Variants in PRSS36 observed in about 807,000 individuals in gnomAD.
The protein encoded by PRSS36 is polyserase-2.
In PRSS36, 90 loss-of-function variants were observed where a neutral mutation model predicts 94.3. The observed-to-expected ratio is 0.95, with a 90% confidence interval of 0.80 to 1.14. The LOEUF (loss-of-function observed/expected upper bound fraction) is 1.14. Among genes scored for constraint, PRSS36 ranks in the 50% most tolerant of loss-of-function variants. The pLI, the probability that PRSS36 is intolerant of heterozygous loss-of-function variation, is 0.00. For synonymous variants in PRSS36, 500 were observed against 489.6 expected, an observed-to-expected ratio of 1.02 and a Z score of -0.28; for missense variants, 1,158 against 1,135.0, an observed-to-expected ratio of 1.02 and a Z score of -0.29.
At position 31,148,531 on chromosome 16, in the gene PRSS36, G is replaced by A. The variant is rs760561604; in HGVS notation, c.417C>T (p.Asp139=). ...GTGAGGCCAGGCGCAGCAGGGCCAG[G>A]TCGGCGCCCAGCTCCACTTGGCTGT... The part of the protein sequence containing the change: ...ANYSQVELGA[D]LALLRLASPA... The change falls in exon 5 of 15, where the codon GAC becomes GAT. Residue 139 remains aspartate, a synonymous_variant. Transcript: ENST00000268281. 2.1e-5 allele frequency: 33 copies of A among 1,597,712 alleles called. No individual in the cohort carries two copies. The highest frequency in any genetic ancestry group is 2.8e-5 in the Non-Finnish European group (33 of 1,175,322).
chr16:31,145,194 C>T (rs1160662578), intron 6 of PRSS36, among the ~76,000 whole-genome samples: 1 of 151,486 alleles, frequency 6.6e-6, no homozygotes, highest in African/African-American at 2.4e-5. Context: ...CTGGTGAAAT[C>T]CCGTGTCTAC....
In PRSS36 at chr16:31,149,055, ACCAGGG is replaced by A. The variant is rs1567455547; in HGVS notation, c.272+12_272+17del. The A allele has an allele frequency of 6.3e-7, 1 of 1,575,446 alleles. No homozygotes were observed. The highest frequency in any genetic ancestry group is 8.6e-7 in the Non-Finnish European group (1 of 1,160,832). On this transcript the variant is annotated intron_variant, in intron 4 of 14. Coordinates refer to ENST00000268281, the MANE Select transcript of PRSS36 (RefSeq NM_173502.5). Reference sequence around the variant, plus strand: ...CAGCTTTTGGCGGAGAGGGGCCAGGACCAGGGCGAATACTCACGTCATGAAACAGTG... The same window carrying A: ...CAGCTTTTGGCGGAGAGGGGCCAGGACGAATACTCACGTCATGAAACAGTG...
rs1402852600 is a variant in PRSS36, at chr16:31,149,146, C to T, written c.199G>A (p.Gly67Arg). Reference sequence around the variant, plus strand: ...GAGCCCCCGCAGATGTGGCCACCTCCATGGTGCAGGCTCACTTGCCAAGGC... The same window carrying T: ...GAGCCCCCGCAGATGTGGCCACCTCTATGGTGCAGGCTCACTTGCCAAGGC... Reference protein sequence around the residue: ...TWPWQVSLHHGGGHICGGSLI... With the variant: ...TWPWQVSLHHRGGHICGGSLI... The change falls in exon 4 of 15, where the codon GGA becomes AGA. Residue 67 changes from glycine to arginine, a missense_variant. Coordinates refer to ENST00000268281, the MANE Select transcript of PRSS36 (RefSeq NM_173502.5). 2.5e-6 allele frequency: 4 copies of T among 1,579,656 alleles called. No individual in the cohort carries two copies. Among genetic ancestry groups the T allele is most frequent in the Non-Finnish European group, 3.4e-6 (4 of 1,163,918 alleles).
Position 31,141,859 on chromosome 16 carries a change from G to T in PRSS36, c.1623C>A (p.Phe541Leu), listed in dbSNP as rs754263964. ...PSGCLRPRAF[F>L]PLQTHGPWIS... ...TCCATGGGCCATGAGTCTGCAGAGG[G>T]AAGAAGGCTCGGGGACGTAGACAGC... Residue 541 changes from phenylalanine to leucine, a missense_variant, in exon 11 of 15, where the codon TTC (phenylalanine) becomes TTA (leucine). Phe to Leu is a conservative substitution (Grantham distance 22). Coordinates refer to ENST00000268281, the MANE Select transcript of PRSS36 (RefSeq NM_173502.5). The T allele has an allele frequency of 1.7e-5, 28 of 1,614,074 alleles. No individual in the cohort carries two copies. Among genetic ancestry groups the T allele is most frequent in the Non-Finnish European group, 2.4e-5 (28 of 1,180,028 alleles).
intron 14 of PRSS36, among the ~76,000 whole-genome samples, chr16:31,139,919 G>T (rs2057655742): frequency 1.3e-5 from 2 of 149,806 alleles, no homozygotes; most frequent in Non-Finnish European, 3.0e-5. Context: ...CCTTGGCCGG[G>T]CGCAGTGGCT....
At position 31,143,403 on chromosome 16, in the gene PRSS36, G is replaced by C; in HGVS notation, c.1039C>G (p.Pro347Ala). The C allele has an allele frequency of 6.2e-7, 1 of 1,613,058 alleles. No individual in the cohort carries two copies. Among genetic ancestry groups the C allele is most frequent in the East Asian group, 2.2e-5 (1 of 44,862 alleles). The change falls in exon 8 of 15, where the codon CCC becomes GCC. Residue 347 changes from proline to alanine, a missense_variant. Transcript: ENST00000268281. Reference sequence around the variant, plus strand: ...TCAGACACCAGCGCCCCATGGCAGGGTCTGGATCCTGGCACCATCACCTGG... The same window carrying C: ...TCAGACACCAGCGCCCCATGGCAGGCTCTGGATCCTGGCACCATCACCTGG... ...EAQVMVPGSR[P>A]CHGALVSESW...
chr16:31,140,788 G>C (rs1369272822), intron 12 of PRSS36, 31 bp from the exon 13 acceptor site: 2 of 1,609,556 alleles, frequency 1.2e-6, no homozygotes, highest in Non-Finnish European at 1.7e-6. Flanking sequence ...GTCACCTTCT[G>C]CTCCTCCCAT....
In PRSS36 at chr16:31,145,945, A is replaced by T. The variant is rs540334899; in HGVS notation, c.564T>A (p.Pro188=). 6.2e-7 allele frequency: 1 copy of T among 1,611,852 alleles called. No individual in the cohort carries two copies. Among genetic ancestry groups the T allele is most frequent in the Admixed American group, 1.7e-5 (1 of 59,678 alleles). Residue 188 remains proline, a synonymous_variant, in exon 6 of 15, where the codon CCT becomes CCA. Transcript: ENST00000268281. ...CCACTTCCTGTAGCACCCAGGGGAG[A>T]GGCAGAGGATCTGGAGGCAGAACCA... ...WGDVQEADPL[P]LPWVLQEVEL... is the part of the protein sequence containing the mutation.
Position 31,143,732 on chromosome 16 carries a change from A to C in PRSS36, c.826T>G (p.Phe276Val). 1 of 1,614,118 alleles carries C rather than the reference A, an allele frequency of 6.2e-7. No homozygotes were observed. Among genetic ancestry groups the C allele is most frequent in the Non-Finnish European group, 8.5e-7 (1 of 1,180,026 alleles). ...GCGRRNRPGV[F>V]TAVATYEAWI... ...GCCTCATAGGTAGCCACAGCAGTGA[A>C]AACTCCAGGGCGGTTTCTCCGTCCA... The change falls in exon 7 of 15, where the codon TTC becomes GTC. Residue 276 changes from phenylalanine (F) to valine (V), a missense_variant. Physicochemically the swap from Phe to Val is conservative, Grantham distance 50. Transcript: ENST00000268281.
chr16:31,139,879 C>CAAAAAAAAAAA (rs71151448), intron 14 of PRSS36, among the ~76,000 whole-genome samples: 1 of 42,504 alleles, frequency 2.4e-5, no homozygotes, highest in Non-Finnish European at 3.9e-5. Context: ...GACTCAGTCT[C>CAAAAAAAAAAA]AAAAAAAAAA....
At chr16:31,148,840 G>C in intron 4 of PRSS36, 165 bp from the exon 5 acceptor site, 4 of 1,022,420 alleles carry the variant, frequency 3.9e-6, no homozygotes, top group Non-Finnish European at 5.7e-6. Context: ...GCTGGTGGTG[G>C]GGGGGTCATT....
At position 31,149,716 on chromosome 16, in the gene PRSS36, G is replaced by A; in HGVS notation, c.53C>T (p.Pro18Leu). The A allele has an allele frequency of 6.2e-7, 1 of 1,614,154 alleles. No homozygotes were observed. Among genetic ancestry groups the A allele is most frequent in the Non-Finnish European group, 8.5e-7 (1 of 1,180,026 alleles). ...CTTACCTGAGTCCTGGAAGGCTCCT[G>A]GGATGGGACTGATGACTGGAAAGAC... ...PLVMLVISPIPGAFQDSALSP... is the reference protein window; with the variant it reads ...PLVMLVISPILGAFQDSALSP... Residue 18 changes from proline to leucine, a missense_variant, in exon 2 of 15, where the codon CCA (proline) becomes CTA (leucine). By Grantham distance (98) the Pro-to-Leu change is moderately conservative. Transcript: ENST00000268281.
chr16:31,148,437 T>C lies in PRSS36; in HGVS notation c.511A>G (p.Thr171Ala), dbSNP rs1274869105. The change falls in exon 5 of 15, where the codon ACC becomes GCC. Residue 171 changes from threonine (T) to alanine (A), a missense_variant. Coordinates refer to ENST00000268281, the MANE Select transcript of PRSS36 (RefSeq NM_173502.5). The stretch of plus-strand genomic sequence containing the variant: ...CCCCAGCCGGTGGCCCAGCAGGCGG[T>C]GCCGTGCACGAAGCGGTGTGAGGCG... Reference protein sequence around the residue: ...PRASHRFVHGTACWATGWGDV... With the variant: ...PRASHRFVHGAACWATGWGDV... 28 of 1,573,314 alleles carry C rather than the reference T, an allele frequency of 1.8e-5. No individual in the cohort carries two copies. Among genetic ancestry groups the C allele is most frequent in the Non-Finnish European group, 2.2e-5 (26 of 1,167,598 alleles).
chr16:31,148,781 A>G (rs1596863816), intron 4 of PRSS36, 106 bp from the exon 5 acceptor site: 1 of 1,460,664 alleles, frequency 6.8e-7, no homozygotes, highest in East Asian at 2.3e-5. Flanking sequence ...TATCCGATCC[A>G]GATTTGGTGC....
intron 12 of PRSS36, among the ~76,000 whole-genome samples, chr16:31,141,053 C>T (rs962065424): frequency 7.9e-5 from 12 of 152,100 alleles, no homozygotes; most frequent in South Asian, 2.1e-4. Flanking sequence ...CAGCCTCCCA[C>T]GTAGCTGGGG....
chr16:31,142,025 G>GAAA, intron 10 of PRSS36, 65 bp from the exon 11 acceptor site: 2 of 1,423,372 alleles, frequency 1.4e-6, no homozygotes, highest in Non-Finnish European at 2.0e-6. Context: ...AGAGCTCCTG[G>GAAA]GGCTTTCCAG....
chr16:31,144,639 C>A (rs1232619006), intron 6 of PRSS36, among the ~76,000 whole-genome samples: 1 of 152,158 alleles, frequency 6.6e-6, no homozygotes, highest in Non-Finnish European at 1.5e-5. Context: ...ATTCACTCGG[C>A]CTTGGCTGGG....
At chr16:31,141,668 G>C in intron 11 of PRSS36, 55 bp downstream of exon 11, 1 of 1,608,164 alleles carries the variant, frequency 6.2e-7, no homozygotes, top group Non-Finnish European at 8.5e-7. Context: ...CTGAGCCCCT[G>C]CCATGGGTCT....
Position 31,139,178 on chromosome 16 carries a change from A to G in PRSS36, c.2528T>C (p.Val843Ala). 1 of 1,596,806 alleles carries G rather than the reference A, an allele frequency of 6.3e-7. No homozygotes were observed. Among genetic ancestry groups the G allele is most frequent in the South Asian group, 1.1e-5 (1 of 89,300 alleles). The change falls in exon 15 of 15, where the codon GTC becomes GCC. Residue 843 changes from valine (V) to alanine (A), a missense_variant. Physicochemically the swap from Val to Ala is moderately conservative, Grantham distance 64 (BLOSUM62 0). Transcript: ENST00000268281. ...LAKASGSPHA[V>A]YFLLLLTLLI... ...GAGAGTCAGCAGGAGCAGGAAGTAG[A>G]CTGCATGCGGGGATCCCGAGGCCTT...
Sources: allele counts gnomAD v4.1 joint callset (sites outside exome capture counted in the v4.1 genomes callset), GRCh38; gene constraint gnomAD v4.1.1; transcripts MANE v1.5; gene names NCBI Gene and HGNC (gene_info 2026-07-23, HGNC 2026-07-21).